FMNL2: variants seen among roughly 807,000 people sequenced by gnomAD.
FMNL2 encodes formin-like protein 2.
A neutral mutation model predicts 130.2 loss-of-function variants in FMNL2; 51 were observed. The observed-to-expected ratio is 0.39, with a 90% CI of 0.31 to 0.49. FMNL2 has a LOEUF of 0.49. Ranked by LOEUF, FMNL2 falls within the 20% of genes least tolerant of loss-of-function variation. The probability of loss-of-function intolerance (pLI) is 0.85; values close to 1 mark genes in which losing one functional copy is unlikely to be tolerated. For missense variants in FMNL2, 977 were observed against 1,316.2 expected (o/e 0.74, Z 3.99); for synonymous variants, 465 against 467.1 (o/e 1.00, Z 0.06).
intron 1 of FMNL2, among the ~76,000 whole-genome samples, chr2:152,479,865 C>T (rs1012901027): frequency 2.0e-5 from 3 of 151,750 alleles, no homozygotes; most frequent in Admixed American, 6.6e-5. Context: ...CACGTGCCAC[C>T]GCACCTGGTT....
intron 1 of FMNL2, among the ~76,000 whole-genome samples, chr2:152,479,777 C>T (rs1343984308): frequency 7.5e-6 from 1 of 133,696 alleles, no homozygotes; most frequent in Non-Finnish European, 1.5e-5. Flanking sequence ...GTGTCGCGAT[C>T]TCGGCTCACT....
In FMNL2 at chr2:152,607,349, A is replaced by G. The variant is rs1698427598; in HGVS notation, c.887A>G (p.Glu296Gly). The G allele has an allele frequency of 6.2e-7, 1 of 1,613,424 alleles. No individual in the cohort carries two copies. The highest frequency in any genetic ancestry group is 1.3e-5 in the African/African-American group (1 of 74,920). Reference sequence around the variant, plus strand: ...AAATGTGTGTTTCAGGTTTGTGGAGAAAAACAGCGCTTTGAGAAGTTGATG... The same window carrying G: ...AAATGTGTGTTTCAGGTTTGTGGAGGAAAACAGCGCTTTGAGAAGTTGATG... ...AFDNFKEVCG[E>G]KQRFEKLMEH... The change falls in exon 10 of 26, where the codon GAA (glutamate) becomes GGA (glycine). Residue 296 changes from glutamate to glycine, a missense_variant. By Grantham distance (98) the Glu-to-Gly change is moderately conservative. Coordinates refer to ENST00000288670, the MANE Select transcript of FMNL2 (RefSeq NM_052905.4).
intron 5 of FMNL2, among the ~76,000 whole-genome samples, chr2:152,559,256 G>A (rs73968078): frequency 1.6e-3 from 242 of 152,262 alleles, no homozygotes; most frequent in African/African-American, 5.6e-3. Flanking sequence ...GATACCAAAC[G>A]TAGTGGCACT....
chr2:152,517,690 G>A (rs1323289851), intron 1 of FMNL2, among the ~76,000 whole-genome samples: 3 of 152,100 alleles, frequency 2.0e-5, no homozygotes, highest in African/African-American at 7.2e-5. Flanking sequence ...TTTTAGCTAG[G>A]AACTTGTACA....
Position 152,648,850 on chromosome 2 carries a change from G to A in FMNL2, c.*945G>A, listed in dbSNP as rs1018213386. The A allele has an allele frequency of 6.6e-6, 1 of 152,474 alleles. No homozygotes were observed. Among genetic ancestry groups the A allele is most frequent in the Non-Finnish European group, 1.5e-5 (1 of 68,020 alleles). The allele number at this position is 152,474 out of a possible 1,614,324, so 9.4% of individuals were successfully genotyped here. A position where few individuals can be genotyped will look rare whatever the true frequency, so the allele number is the denominator to read the frequency against. ...GAAGATACACTTGGCATCGTGTATC[G>A]AGGCTAAGTTTTTCATGCATTTCCC... is the stretch of plus-strand genomic sequence containing the variant. On this transcript the variant is annotated 3_prime_UTR_variant, in exon 26 of 26. Transcript: ENST00000288670.
intron 1 of FMNL2, among the ~76,000 whole-genome samples, chr2:152,501,511 G>A (rs1691833164): frequency 6.6e-6 from 1 of 152,206 alleles, no homozygotes; most frequent in African/African-American, 2.4e-5. Flanking sequence ...TCTTCAATGA[G>A]CAGCCAGTAC....
intron 1 of FMNL2, among the ~76,000 whole-genome samples, chr2:152,428,284 A>G (rs1003412384): frequency 3.3e-5 from 5 of 152,182 alleles, no homozygotes; most frequent in South Asian, 2.1e-4. Context: ...CTTCTTTTCT[A>G]GATGTCTGTG....
intron 15 of FMNL2, among the ~76,000 whole-genome samples, chr2:152,621,472 G>C (rs963214768): frequency 4.3e-5 from 5 of 114,980 alleles, no homozygotes; most frequent in African/African-American, 1.6e-4. Flanking sequence ...AAGGTGTAGA[G>C]CTCTGTGCTT....
At chr2:152,424,392 ATC>A (rs1687072630) in intron 1 of FMNL2, among the ~76,000 whole-genome samples, 1 of 143,738 alleles carries the variant, frequency 7.0e-6, no homozygotes, top group Non-Finnish European at 1.5e-5. Context: ...TGGGCCTACC[ATC>A]TTTTTTTTTT....
chr2:152,441,690 G>A (rs191169403), intron 1 of FMNL2, among the ~76,000 whole-genome samples: 4 of 151,998 alleles, frequency 2.6e-5, no homozygotes, highest in Admixed American at 2.0e-4. Context: ...TACAAAATTA[G>A]TTGGGCATGG....
intron 1 of FMNL2, among the ~76,000 whole-genome samples, chr2:152,363,141 T>C (rs1683275530): frequency 6.6e-6 from 1 of 152,214 alleles, no homozygotes; most frequent in South Asian, 2.1e-4. Context: ...GTGAATATAC[T>C]AAAAACTGTC....
chr2:152,389,124 C>A (rs13405341), intron 1 of FMNL2, among the ~76,000 whole-genome samples: 2 of 151,432 alleles, frequency 1.3e-5, no homozygotes, highest in African/African-American at 2.4e-5. Context: ...TTCTATAAAG[C>A]CTAACACAGT....
At chr2:152,406,192 T>A (rs1685970135) in intron 1 of FMNL2, among the ~76,000 whole-genome samples, 3 of 152,236 alleles carry the variant, frequency 2.0e-5, no homozygotes, top group Admixed American at 1.3e-4. Flanking sequence ...TGTGGTTAAA[T>A]CCTTATTCTT....
intron 1 of FMNL2, among the ~76,000 whole-genome samples, chr2:152,365,865 C>T (rs1012480472): frequency 3.3e-5 from 5 of 152,012 alleles, no homozygotes; most frequent in Non-Finnish European, 5.9e-5. Flanking sequence ...AAAGGGAGAC[C>T]GAGAATTGGT....
chr2:152,476,787 T>C (rs1690174192), intron 1 of FMNL2, among the ~76,000 whole-genome samples: 1 of 152,068 alleles, frequency 6.6e-6, no homozygotes, highest in African/African-American at 2.4e-5. Context: ...AAACTTGGTA[T>C]TGTTTCTAGG....
chr2:152,534,718 A>G (rs6708443), intron 2 of FMNL2, among the ~76,000 whole-genome samples: 1,734 of 152,266 alleles, frequency 0.011, 36 homozygotes, highest in African/African-American at 0.04. Context: ...TAAGAGGAGT[A>G]GGATTAAAGA....
intron 1 of FMNL2, among the ~76,000 whole-genome samples, chr2:152,361,702 C>T (rs1307933927): frequency 2.0e-5 from 3 of 152,166 alleles, no homozygotes; most frequent in East Asian, 3.9e-4. Context: ...CTTTGCCAGC[C>T]ATGTCCTTAA....
chr2:152,452,775 GGGCTGTCGATGGGGAGGGCTGTC>G (rs1170948801), intron 1 of FMNL2, among the ~76,000 whole-genome samples: 1 of 152,018 alleles, frequency 6.6e-6, no homozygotes, highest in South Asian at 2.1e-4. Context: ...CCGATGGGGA[GGGCTGTCGATGGGGAGGGCTGTC>G]GTACCAGGTG....
chr2:152,367,783 T>C (rs982257501), intron 1 of FMNL2, among the ~76,000 whole-genome samples: 3 of 152,224 alleles, frequency 2.0e-5, no homozygotes, highest in Non-Finnish European at 4.4e-5. Flanking sequence ...TGAGAAGGGC[T>C]TATAGGATTT....
Sources: gnomAD v4.1 joint callset for allele counts (sites outside exome capture counted in the v4.1 genomes callset) on GRCh38, gnomAD v4.1.1 for gene constraint, MANE v1.5 for transcripts, NCBI Gene and HGNC (gene_info 2026-07-23, HGNC 2026-07-21) for gene names.